ZFAT: variants seen among roughly 807,000 people sequenced by gnomAD.
ZFAT encodes zinc finger and AT-hook domain containing.
In ZFAT, 64 loss-of-function variants were observed where a neutral mutation model predicts 117.7. The observed-to-expected ratio is 0.54, with a 90% CI of 0.44 to 0.67. The LOEUF is 0.67. ZFAT is among the 30% of genes least tolerant of loss of function. ZFAT has a pLI of 0.00. For synonymous variants in ZFAT, 679 were observed against 615.0 expected, an observed-to-expected ratio of 1.10 and a Z score of -1.54; for missense variants, 1,433 against 1,584.5, an observed-to-expected ratio of 0.90 and a Z score of 1.62.
chr8:134,569,553 C>T (rs2130790417), intron 10 of ZFAT, among the ~76,000 whole-genome samples: 1 of 152,284 alleles, frequency 6.6e-6, no homozygotes, highest in African/African-American at 2.4e-5. Context: ...TGTTCTCTTT[C>T]TGGCCCTGTC....
the ZFAT span, among the ~76,000 whole-genome samples, chr8:134,813,194 C>A: frequency 6.6e-6 from 1 of 152,122 alleles, no homozygotes; most frequent in Non-Finnish European, 1.5e-5. Flanking sequence ...GATGAGAAAA[C>A]AATAATTCAT....
At chr8:134,680,962 T>TA (rs542971587) in intron 1 of ZFAT, among the ~76,000 whole-genome samples, 21 of 152,278 alleles carry the variant, frequency 1.4e-4, no homozygotes, top group Admixed American at 2.6e-4. Context: ...AATACACATT[T>TA]AAAAAAATAA....
At chr8:134,500,209 G>C (rs748005342) in intron 15 of ZFAT, among the ~76,000 whole-genome samples, 1 of 152,182 alleles carries the variant, frequency 6.6e-6, no homozygotes, top group South Asian at 2.1e-4. Flanking sequence ...AATTAAAACC[G>C]ACCTGCCTTG....
chr8:134,513,355 A>T (rs952492352), intron 13 of ZFAT, among the ~76,000 whole-genome samples: 2 of 151,652 alleles, frequency 1.3e-5, no homozygotes, highest in Admixed American at 6.6e-5. Context: ...GCACCACCAC[A>T]CCTAGCTAAT....
At chr8:134,738,642 G>A in the ZFAT span, among the ~76,000 whole-genome samples, 2 of 152,146 alleles carry the variant, frequency 1.3e-5, no homozygotes, top group South Asian at 2.1e-4. Flanking sequence ...CTCCAGGTAA[G>A]AGGGTGTGAG....
At chr8:134,492,835 A>G (rs1818146835) in intron 15 of ZFAT, among the ~76,000 whole-genome samples, 1 of 152,228 alleles carries the variant, frequency 6.6e-6, no homozygotes, top group African/African-American at 2.4e-5. Flanking sequence ...CACAGGACAA[A>G]AAGAAGGGTG....
chr8:134,779,323 T>C, the ZFAT span, among the ~76,000 whole-genome samples: 1 of 152,086 alleles, frequency 6.6e-6, no homozygotes, highest in Non-Finnish European at 1.5e-5. Context: ...CAAAACCCTA[T>C]AAAACTGGTT....
chr8:134,622,023 G>A (rs1282336410), intron 3 of ZFAT, among the ~76,000 whole-genome samples: 1 of 152,232 alleles, frequency 6.6e-6, no homozygotes, highest in Non-Finnish European at 1.5e-5. Flanking sequence ...TCACATGAGG[G>A]AACAGATGCA....
At chr8:134,787,779 A>G in the ZFAT span, among the ~76,000 whole-genome samples, 607 of 151,418 alleles carry the variant, frequency 4.0e-3, 5 homozygotes, top group African/African-American at 0.014. Context: ...AGTCATGAAC[A>G]TGGTATATCC....
chr8:134,659,919 T>C (rs1321046553), intron 1 of ZFAT, among the ~76,000 whole-genome samples: 2 of 152,212 alleles, frequency 1.3e-5, no homozygotes, highest in Non-Finnish European at 2.9e-5. Context: ...AGAGAATTCT[T>C]TCCTACCAAC....
At chr8:134,641,891 G>T (rs1830607280) in intron 2 of ZFAT, among the ~76,000 whole-genome samples, 1 of 152,156 alleles carries the variant, frequency 6.6e-6, no homozygotes, top group Non-Finnish European at 1.5e-5. Flanking sequence ...CCAAAAACTG[G>T]CAAGGGGCAG....
chr8:134,483,348 T>C (rs181089197), intron 15 of ZFAT, among the ~76,000 whole-genome samples: 1 of 152,308 alleles, frequency 6.6e-6, no homozygotes, highest in East Asian at 1.9e-4. Context: ...TAGCAAAAGC[T>C]GGAACTTAGT....
intron 10 of ZFAT, among the ~76,000 whole-genome samples, chr8:134,575,321 A>C (rs753946038): frequency 1.6e-4 from 25 of 152,246 alleles, no homozygotes; most frequent in South Asian, 2.1e-4. Flanking sequence ...TGAAATCACA[A>C]GGGTCCTTAT....
rs1004091784 is a variant in ZFAT at position 134,608,742 on chromosome 8, T to C, written c.772A>G (p.Met258Val). Residue 258 changes from methionine (M) to valine (V), a missense_variant, in exon 5 of 16, where the codon ATG becomes GTG. This residue lies in a region of ZFAT where 436 missense variants were observed against 482.0 expected (regional missense o/e 0.90). Transcript: ENST00000377838. ...AAAACACTTTACCTGCTTGACTTCA[T>C]TGGTTGCTCATAAGGTGTCTGCTGA... ...AIQQTPYEQP[M>V]KSSRLGPTQL... is the part of the protein sequence containing the mutation. The C allele has an allele frequency of 1.6e-5, 25 of 1,610,330 alleles. No individual in the cohort carries two copies. Among genetic ancestry groups the C allele is most frequent in the East Asian group, 4.5e-5 (2 of 44,600 alleles).
At chr8:134,537,959 T>G (rs530807022) in intron 11 of ZFAT, among the ~76,000 whole-genome samples, 61 of 152,214 alleles carry the variant, frequency 4.0e-4, no homozygotes, top group Admixed American at 9.8e-4. Flanking sequence ...GGAAGTCATA[T>G]GGATAATGGG....
intron 5 of ZFAT, among the ~76,000 whole-genome samples, chr8:134,607,215 A>C (rs1449998659): frequency 2.0e-5 from 3 of 152,364 alleles, no homozygotes; most frequent in Non-Finnish European, 4.4e-5. Flanking sequence ...AATCAACCTG[A>C]CTTGAAACAC....
chr8:134,537,849 T>C (rs1468838074), intron 11 of ZFAT, among the ~76,000 whole-genome samples: 1 of 152,148 alleles, frequency 6.6e-6, no homozygotes, highest in East Asian at 1.9e-4. Flanking sequence ...TCAGACCTGA[T>C]GGCTGGGATG....
At chr8:134,584,093 T>A in intron 9 of ZFAT, 88 bp from the exon 10 acceptor site, 1 of 1,321,382 alleles carries the variant, frequency 7.6e-7, no homozygotes, top group Non-Finnish European at 1.0e-6. Flanking sequence ...TATCCATATC[T>A]AAATACACTT....
intron 11 of ZFAT, among the ~76,000 whole-genome samples, chr8:134,551,389 G>A (rs1823157414): frequency 6.6e-6 from 1 of 152,186 alleles, no homozygotes; most frequent in Non-Finnish European, 1.5e-5. Flanking sequence ...CCTGCGTAAT[G>A]CCAAGCACAT....
Sources: allele counts gnomAD v4.1 joint callset (sites outside exome capture counted in the v4.1 genomes callset), GRCh38; gene constraint gnomAD v4.1.1; regional missense constraint gnomAD v4.1.1; transcripts MANE v1.5; gene names NCBI Gene and HGNC (gene_info 2026-07-23, HGNC 2026-07-21).